Variants in PTPRN2 observed in about 807,000 individuals in gnomAD.
PTPRN2 encodes receptor-type tyrosine-protein phosphatase N2.
Under a neutral mutation model 118.8 loss-of-function variants are expected in PTPRN2, and 74 were observed. The observed-to-expected ratio is 0.62, with a 90% confidence interval of 0.52 to 0.76. The LOEUF is 0.76. Ranked by LOEUF, PTPRN2 falls within the 30% of genes least tolerant of loss-of-function variation. PTPRN2 has a pLI of 0.00. For synonymous variants in PTPRN2, 641 were observed against 608.0 expected, an observed-to-expected ratio of 1.05 and a Z score of -0.80; for missense variants, 1,481 against 1,394.4, an observed-to-expected ratio of 1.06 and a Z score of -0.99.
chr7:158,428,181 T>A (rs1220157900), intron 2 of PTPRN2, among the ~76,000 whole-genome samples: 1 of 152,234 alleles, frequency 6.6e-6, no homozygotes, highest in African/African-American at 2.4e-5. Flanking sequence ...AATTCACTCC[T>A]GTAAGAGGGC....
intron 2 of PTPRN2, among the ~76,000 whole-genome samples, chr7:158,341,570 C>T (rs1168335678): frequency 3.6e-5 from 4 of 112,216 alleles, no homozygotes; most frequent in Non-Finnish European, 7.7e-5. Context: ...CACACCCACA[C>T]TCTCACCATA....
intron 1 of PTPRN2, among the ~76,000 whole-genome samples, chr7:158,578,161 A>G (rs753754610): frequency 6.6e-6 from 1 of 152,242 alleles, no homozygotes; most frequent in Non-Finnish European, 1.5e-5. Flanking sequence ...CAAATATTAC[A>G]TAATAAAACA....
intron 2 of PTPRN2, among the ~76,000 whole-genome samples, chr7:158,441,516 GGCA>G (rs1314131530): frequency 1.4e-4 from 20 of 141,658 alleles, no homozygotes; most frequent in East Asian, 2.0e-4. Context: ...TGGCAGTGGT[GGCA>G]GTGGTGGTGA....
intron 3 of PTPRN2, among the ~76,000 whole-genome samples, chr7:158,288,865 G>A (rs1799930874): frequency 6.6e-6 from 1 of 152,146 alleles, no homozygotes; most frequent in Admixed American, 6.5e-5. Flanking sequence ...CAGCTCTGGT[G>A]GTGATTAATC....
chr7:158,217,220 A>G (rs997925207), intron 3 of PTPRN2, among the ~76,000 whole-genome samples: 5 of 152,156 alleles, frequency 3.3e-5, no homozygotes, highest in Admixed American at 6.5e-5. Context: ...GAGTGCTTTC[A>G]CCAGCAGCCT....
intron 12 of PTPRN2, among the ~76,000 whole-genome samples, chr7:157,788,927 C>A (rs2151070633): frequency 6.6e-6 from 1 of 152,370 alleles, no homozygotes; most frequent in Admixed American, 6.5e-5. Flanking sequence ...CTGGAGCCAT[C>A]TCCTTTCTCA....
Position 157,656,450 on chromosome 7 carries a change from C to A in PTPRN2, c.2103G>T (p.Pro701=). 1 of 1,553,622 alleles carries A rather than the reference C, an allele frequency of 6.4e-7. No individual in the cohort carries two copies. ...TGCTGCGTGCGGAGGGGCTGGGGAT[C>A]GGCCCGTCGCTGAACTGGGATGAGA... ...SSVSSQFSDG[P]IPSPSARSSA... The change falls in exon 14 of 23, where the codon CCG becomes CCT. Residue 701 remains proline (P), a synonymous_variant. Coordinates refer to ENST00000389418, the MANE Select transcript of PTPRN2 (RefSeq NM_002847.5).
At chr7:158,301,158 A>C (rs542997861) in intron 3 of PTPRN2, among the ~76,000 whole-genome samples, 4 of 152,232 alleles carry the variant, frequency 2.6e-5, no homozygotes, top group Admixed American at 2.6e-4. Context: ...ATCTTATACT[A>C]TAACTAGTTC....
intron 10 of PTPRN2, among the ~76,000 whole-genome samples, chr7:158,106,666 C>T (rs770453587): frequency 6.6e-6 from 1 of 152,192 alleles, no homozygotes; most frequent in Non-Finnish European, 1.5e-5. Context: ...GGGGATATAA[C>T]CCTGTCACAC....
At chr7:157,758,383 A>G (rs6946232) in intron 12 of PTPRN2, among the ~76,000 whole-genome samples, 3,166 of 152,238 alleles carry the variant, frequency 0.021, 93 homozygotes, top group Middle Eastern at 0.061. Context: ...CATGTCCCCA[A>G]AGGGCAAGAC....
At chr7:158,048,567 T>TATC (rs1355976304) in intron 11 of PTPRN2, among the ~76,000 whole-genome samples, 1 of 111,362 alleles carries the variant, frequency 9.0e-6, no homozygotes. Context: ...TCACCATCAC[T>TATC]ATCATCATCA....
At chr7:158,479,396 A>G (rs1820502131) in intron 2 of PTPRN2, among the ~76,000 whole-genome samples, 1 of 152,058 alleles carries the variant, frequency 6.6e-6, no homozygotes, top group African/African-American at 2.4e-5. Flanking sequence ...GCCTTCTTGA[A>G]GTCTGGAGGA....
At chr7:158,090,695 C>T (rs1433648355) in intron 10 of PTPRN2, among the ~76,000 whole-genome samples, 1 of 152,204 alleles carries the variant, frequency 6.6e-6, no homozygotes, top group African/African-American at 2.4e-5. Context: ...GACAAACATA[C>T]CAGCCCTCCA....
chr7:158,359,580 G>A (rs959784229), intron 2 of PTPRN2, among the ~76,000 whole-genome samples: 4 of 152,118 alleles, frequency 2.6e-5, no homozygotes, highest in African/African-American at 4.8e-5. Context: ...ACTCTAGGTT[G>A]TTTTTTCAAA....
chr7:157,921,376 A>C (rs2128769923), intron 11 of PTPRN2, among the ~76,000 whole-genome samples: 1 of 152,256 alleles, frequency 6.6e-6, no homozygotes, highest in East Asian at 1.9e-4. Context: ...CAGGGAAACC[A>C]CTCTGTTTGA....
At chr7:157,604,785 G>T (rs1255880014) in intron 15 of PTPRN2, among the ~76,000 whole-genome samples, 1 of 152,246 alleles carries the variant, frequency 6.6e-6, no homozygotes, top group Non-Finnish European at 1.5e-5. Context: ...GGGCGCAGCG[G>T]GGGGACAGTA....
chr7:158,146,912 C>T (rs980702301), intron 6 of PTPRN2, among the ~76,000 whole-genome samples: 1 of 151,802 alleles, frequency 6.6e-6, no homozygotes, highest in African/African-American at 2.4e-5. Flanking sequence ...TGTGAAGAGA[C>T]TGAATGACAC....
chr7:157,922,575 T>C (rs538408303), intron 11 of PTPRN2, among the ~76,000 whole-genome samples: 1 of 112,922 alleles, frequency 8.9e-6, no homozygotes, highest in African/African-American at 3.1e-5. Context: ...ATAAATGTTC[T>C]CTTTAGTTGG....
chr7:158,473,506 C>T (rs546984425), intron 2 of PTPRN2, among the ~76,000 whole-genome samples: 1 of 152,198 alleles, frequency 6.6e-6, no homozygotes, highest in Non-Finnish European at 1.5e-5. Context: ...CTCCAAGTGC[C>T]GGCTCGCCTC....
Sources: allele counts gnomAD v4.1 joint callset (sites outside exome capture counted in the v4.1 genomes callset), GRCh38; gene constraint gnomAD v4.1.1; transcripts MANE v1.5; gene names NCBI Gene and HGNC (gene_info 2026-07-23, HGNC 2026-07-21).